VPS13B: variants seen among roughly 807,000 people sequenced by gnomAD.
VPS13B encodes vacuolar protein sorting 13 homolog B.
In VPS13B, 285 loss-of-function variants were observed where a neutral mutation model predicts 426.4. The observed-to-expected ratio is 0.67, with a 90% CI of 0.61 to 0.74. The LOEUF is 0.74. Ranked by LOEUF, VPS13B falls within the 30% of genes least tolerant of loss-of-function variation. The pLI, the probability that VPS13B is intolerant of heterozygous loss-of-function variation, is 0.00. For missense variants in VPS13B, 4,537 were observed against 4,782.6 expected (o/e 0.95, Z 1.51); for synonymous variants, 1,676 against 1,676.4 (o/e 1.00, Z 0.01).
At chr8:99,104,384 G>A (rs1217067442) in intron 5 of VPS13B, among the ~76,000 whole-genome samples, 2 of 152,176 alleles carry the variant, frequency 1.3e-5, no homozygotes, top group Non-Finnish European at 1.5e-5. Context: ...AGCAATAAAA[G>A]TTAAATGATA....
At chr8:99,257,153 G>A (rs967915842) in intron 17 of VPS13B, among the ~76,000 whole-genome samples, 1 of 152,142 alleles carries the variant, frequency 6.6e-6, no homozygotes, top group Admixed American at 6.5e-5. Flanking sequence ...TGAAAATCTA[G>A]TGGGCAATTA....
intron 33 of VPS13B, among the ~76,000 whole-genome samples, chr8:99,597,643 A>G (rs1381585544): frequency 6.6e-6 from 1 of 152,016 alleles, no homozygotes; most frequent in Non-Finnish European, 1.5e-5. Flanking sequence ...ATGTGATGAC[A>G]AACAAGAGGA....
chr8:99,354,411 G>C (rs948664471), intron 19 of VPS13B, among the ~76,000 whole-genome samples: 5 of 150,190 alleles, frequency 3.3e-5, no homozygotes, highest in African/African-American at 1.2e-4. Context: ...AGATTCCTGA[G>C]AGTGGTTTTA....
intron 19 of VPS13B, among the ~76,000 whole-genome samples, chr8:99,293,012 G>C (rs1819821974): frequency 6.6e-6 from 1 of 152,080 alleles, no homozygotes; most frequent in African/African-American, 2.4e-5. Flanking sequence ...TTTGTTACTA[G>C]AGAAGTTTCT....
intron 17 of VPS13B, among the ~76,000 whole-genome samples, chr8:99,225,612 A>G (rs1027141794): frequency 2.6e-5 from 4 of 152,112 alleles, no homozygotes; most frequent in African/African-American, 9.7e-5. Flanking sequence ...ATTCTCTTTA[A>G]CTTAAATTTT....
chr8:99,804,977 G>C (rs1408071863), intron 43 of VPS13B, among the ~76,000 whole-genome samples: 1 of 151,958 alleles, frequency 6.6e-6, no homozygotes, highest in East Asian at 1.9e-4. Context: ...TCCAGTCTGG[G>C]CAATAGAGTT....
intron 39 of VPS13B, among the ~76,000 whole-genome samples, chr8:99,723,782 GA>G (rs1833224068): frequency 6.6e-6 from 1 of 152,192 alleles, no homozygotes; most frequent in Admixed American, 6.5e-5. Context: ...TTTTGTTGGA[GA>G]AATGAAGATC....
intron 22 of VPS13B, among the ~76,000 whole-genome samples, chr8:99,440,953 G>A (rs117450379): frequency 0.013 from 2,028 of 152,046 alleles, 19 homozygotes; most frequent in Non-Finnish European, 0.02. Flanking sequence ...ATTTTAAATT[G>A]TGCAACTGAA....
At chr8:99,232,226 GAGAT>G (rs1250947758) in intron 17 of VPS13B, among the ~76,000 whole-genome samples, 2 of 152,066 alleles carry the variant, frequency 1.3e-5, no homozygotes, top group African/African-American at 4.8e-5. Flanking sequence ...AACAGAGAGA[GAGAT>G]AGAGAATTAT....
At chr8:99,644,577 G>T (rs1321517440) in intron 34 of VPS13B, among the ~76,000 whole-genome samples, 1 of 151,980 alleles carries the variant, frequency 6.6e-6, no homozygotes, top group African/African-American at 2.4e-5. Flanking sequence ...GGGGTGGGGG[G>T]TAAATGTAGG....
chr8:99,430,859 C>G (rs1817065887), intron 21 of VPS13B, among the ~76,000 whole-genome samples: 1 of 152,070 alleles, frequency 6.6e-6, no homozygotes, highest in Non-Finnish European at 1.5e-5. Flanking sequence ...GCTGGGATTA[C>G]AGGTGCCTGC....
At chr8:99,608,208 G>A (rs1345850873) in intron 33 of VPS13B, among the ~76,000 whole-genome samples, 1 of 149,536 alleles carries the variant, frequency 6.7e-6, no homozygotes, top group African/African-American at 2.5e-5. Context: ...GAGTGCAGTG[G>A]TATGATCGTG....
At chr8:99,203,618 C>T (rs1394816042) in intron 17 of VPS13B, among the ~76,000 whole-genome samples, 3 of 152,154 alleles carry the variant, frequency 2.0e-5, no homozygotes, top group African/African-American at 4.8e-5. Context: ...AAAACCCCAT[C>T]GTCTCAGCCC....
At chr8:99,688,921 A>G (rs1831532874) in intron 35 of VPS13B, among the ~76,000 whole-genome samples, 1 of 152,096 alleles carries the variant, frequency 6.6e-6, no homozygotes, top group South Asian at 2.1e-4. Flanking sequence ...CAGAAATTCT[A>G]TTGAGGGGCA....
intron 9 of VPS13B, 83 bp downstream of exon 9, chr8:99,134,810 G>A: frequency 3.1e-6 from 4 of 1,270,824 alleles, no homozygotes; most frequent in Admixed American, 4.1e-5. Flanking sequence ...CAGATGTAGT[G>A]TATTTAAAAA....
intron 25 of VPS13B, among the ~76,000 whole-genome samples, chr8:99,493,798 A>G (rs949783242): frequency 2.7e-5 from 4 of 149,010 alleles, no homozygotes; most frequent in Admixed American, 6.7e-5. Flanking sequence ...AAAAAAAAAA[A>G]AAAGAAAAGA....
chr8:99,579,360 T>G (rs557756976), intron 33 of VPS13B, among the ~76,000 whole-genome samples: 1 of 152,320 alleles, frequency 6.6e-6, no homozygotes, highest in African/African-American at 2.4e-5. Flanking sequence ...GGCTAGTTGA[T>G]TGCCTTTAGT....
At chr8:99,082,238 C>T (rs1238536863) in intron 3 of VPS13B, among the ~76,000 whole-genome samples, 1 of 152,110 alleles carries the variant, frequency 6.6e-6, no homozygotes, top group Admixed American at 6.5e-5. Context: ...TTTCATGTGT[C>T]TTTTGGCTGC....
At chr8:99,583,557 T>C (rs910030024) in intron 33 of VPS13B, among the ~76,000 whole-genome samples, 1 of 152,124 alleles carries the variant, frequency 6.6e-6, no homozygotes, top group Admixed American at 6.5e-5. Context: ...AAATAATCAG[T>C]TTTGTAGTTG....
Sources: allele counts gnomAD v4.1 joint callset (sites outside exome capture counted in the v4.1 genomes callset), GRCh38; gene constraint gnomAD v4.1.1; transcripts MANE v1.5; gene names NCBI Gene and HGNC (gene_info 2026-07-23, HGNC 2026-07-21).